ZNF618: variants seen among roughly 807,000 people sequenced by gnomAD.
ZNF618 encodes neural precursor cell expressed, developmentally down-regulated 10.
ZNF618 carries 34 observed loss-of-function variants against 103.0 expected under a neutral mutation model. The ratio of observed to expected loss-of-function variants is 0.33; its 90% CI spans 0.25 to 0.44. The LOEUF is 0.44. Among genes scored for constraint, ZNF618 ranks in the 20% least tolerant of loss-of-function variants. ZNF618 has a pLI of 1.00. For missense variants in ZNF618, 1,059 were observed against 1,295.4 expected, an observed-to-expected ratio of 0.82 and a Z score of 2.80; for synonymous variants, 551 against 542.2, an observed-to-expected ratio of 1.02 and a Z score of -0.23.
At position 114,039,356 on chromosome 9, in the gene ZNF618, T is replaced by TTC. The variant is rs1554766023; in HGVS notation, c.1246+2980_1246+2981insCT. Among the ~76,000 whole-genome samples, 821 of 144,262 alleles carry TTC rather than the reference T, an allele frequency of 5.7e-3. 2 individuals are homozygous for TTC. The highest frequency in any genetic ancestry group is 7.9e-3 in the Non-Finnish European group (519 of 65,872). The allele number at this position is 144,262 out of a possible 152,430, so 94.6% of individuals were successfully genotyped here. ...TTCTTGTTTGTTTTTTTTTTTTTTT[T>TTC]TTTCCTTTGAGACAGAGTCTCGATC... is the stretch of plus-strand genomic sequence containing the variant. On this transcript the variant is annotated intron_variant, in intron 13 of 14. Transcript: ENST00000374126.
rs16910946 is a variant in ZNF618 at position 113,953,273 on chromosome 9, A to G, written c.34-15844A>G. On this transcript the variant is annotated intron_variant, in intron 1 of 14. Transcript: ENST00000374126. ...CCTATCCTCGGGAGAGATGGTTAAA[A>G]GCAGGTCTTTGTAGAGTCACAGTCT... 7.0e-3 allele frequency among the ~76,000 whole-genome samples: 1,067 copies of G among 152,334 alleles called. 15 individuals carry two copies. Among genetic ancestry groups the G allele is most frequent in the African/African-American group, 0.024 (997 of 41,574 alleles).
intron 1 of ZNF618, among the ~76,000 whole-genome samples, chr9:113,916,072 CTGTG>C (rs34639802): frequency 0.011 from 1,596 of 149,672 alleles, 23 homozygotes; most frequent in Middle Eastern, 0.1. Context: ...GCGCGTGTGT[CTGTG>C]TGTGTGTGTG....
At chr9:113,970,239 C>T (rs1453116418) in intron 2 of ZNF618, among the ~76,000 whole-genome samples, 2 of 151,200 alleles carry the variant, frequency 1.3e-5, no homozygotes, top group Admixed American at 6.6e-5. Flanking sequence ...TTTTTTTTGA[C>T]GTTCATTGCA....
chr9:113,909,848 G>A (rs774946331), intron 1 of ZNF618, among the ~76,000 whole-genome samples: 9 of 151,476 alleles, frequency 5.9e-5, no homozygotes, highest in Non-Finnish European at 1.2e-4. Context: ...GCGGTGGCGC[G>A]GTCTCAGCTC....
At chr9:114,019,452 C>A (rs1415101865) in intron 10 of ZNF618, among the ~76,000 whole-genome samples, 1 of 152,198 alleles carries the variant, frequency 6.6e-6, no homozygotes, top group African/African-American at 2.4e-5. Flanking sequence ...TCTTTCACTC[C>A]TGCCAGCTGT....
At chr9:113,950,633 C>T (rs1316641036) in intron 1 of ZNF618, among the ~76,000 whole-genome samples, 1 of 152,184 alleles carries the variant, frequency 6.6e-6, no homozygotes, top group Non-Finnish European at 1.5e-5. Context: ...GGCCTGCACT[C>T]TGTGAATAAG....
intron 1 of ZNF618, among the ~76,000 whole-genome samples, chr9:113,913,384 T>C (rs1399772177): frequency 6.6e-6 from 1 of 152,248 alleles, no homozygotes; most frequent in African/African-American, 2.4e-5. Flanking sequence ...AACATAAAGC[T>C]ACATCCCCCT....
At chr9:113,918,168 G>C (rs1368291717) in intron 1 of ZNF618, among the ~76,000 whole-genome samples, 1 of 152,178 alleles carries the variant, frequency 6.6e-6, no homozygotes, top group Non-Finnish European at 1.5e-5. Context: ...ACATTTGTAG[G>C]ATGACGGAGG....
At chr9:113,962,189 C>T (rs953252900) in intron 1 of ZNF618, among the ~76,000 whole-genome samples, 1 of 152,162 alleles carries the variant, frequency 6.6e-6, no homozygotes, top group African/African-American at 2.4e-5. Context: ...GATGCAACTC[C>T]ATTTTTCTTG....
At chr9:113,940,015 T>C (rs1048424567) in intron 1 of ZNF618, among the ~76,000 whole-genome samples, 1 of 152,096 alleles carries the variant, frequency 6.6e-6, no homozygotes, top group Non-Finnish European at 1.5e-5. Context: ...ATTTTATTCT[T>C]CTCAGTTCAT....
In ZNF618 at chr9:114,036,286, A is replaced by G; in HGVS notation, c.1169-14A>G. The G allele has an allele frequency of 1.3e-6, 2 of 1,562,198 alleles. No individual in the cohort carries two copies. Among genetic ancestry groups the G allele is most frequent in the South Asian group, 1.2e-5 (1 of 84,580 alleles). ...GTTCCACCCCTCACGTGGCTGCCGC[A>G]TTTCTCCCTCCAGAACCCTACACCT... is the stretch of plus-strand genomic sequence containing the variant. On this transcript the variant is annotated splice_polypyrimidine_tract_variant and intron_variant, in intron 12 of 14. Transcript: ENST00000374126.
At chr9:113,939,153 G>A (rs1834320798) in intron 1 of ZNF618, among the ~76,000 whole-genome samples, 1 of 151,886 alleles carries the variant, frequency 6.6e-6, no homozygotes. Flanking sequence ...GGGCATTCTT[G>A]GTTATTCCTG....
At chr9:114,027,010 T>TC (rs1843559358) in intron 10 of ZNF618, among the ~76,000 whole-genome samples, 1 of 152,030 alleles carries the variant, frequency 6.6e-6, no homozygotes, top group Non-Finnish European at 1.5e-5. Context: ...CCAGCTGTGG[T>TC]CCCCAAACTC....
intron 1 of ZNF618, among the ~76,000 whole-genome samples, chr9:113,905,476 T>C (rs978470859): frequency 6.6e-6 from 1 of 152,230 alleles, no homozygotes; most frequent in Non-Finnish European, 1.5e-5. Flanking sequence ...ACAGATATGC[T>C]CATTTTTGTG....
At chr9:113,914,629 A>G (rs930741136) in intron 1 of ZNF618, among the ~76,000 whole-genome samples, 6 of 152,198 alleles carry the variant, frequency 3.9e-5, no homozygotes, top group African/African-American at 1.2e-4. Flanking sequence ...GAATCATTCT[A>G]TTTTTAAGCC....
At chr9:113,951,981 C>T (rs146222763) in intron 1 of ZNF618, among the ~76,000 whole-genome samples, 34 of 152,276 alleles carry the variant, frequency 2.2e-4, no homozygotes, top group African/African-American at 7.9e-4. Flanking sequence ...TTGAGGCTTT[C>T]GTGGCACTCC....
At chr9:113,958,481 T>C (rs814681) in intron 1 of ZNF618, among the ~76,000 whole-genome samples, 6,527 of 152,280 alleles carry the variant, frequency 0.043, 158 homozygotes, top group African/African-American at 0.064. Flanking sequence ...GTTGAGTTGA[T>C]GATACTAGCT....
At chr9:114,048,597 C>T (rs1016553785) in intron 14 of ZNF618, 54 bp from the exon 15 acceptor site, 87 of 1,542,194 alleles carry the variant, frequency 5.6e-5, no homozygotes, top group Non-Finnish European at 7.0e-5. Context: ...ACTGCCACTC[C>T]AAGCAGCCTT....
chr9:113,993,408 G>A (rs1840263665), intron 3 of ZNF618, among the ~76,000 whole-genome samples: 1 of 152,242 alleles, frequency 6.6e-6, no homozygotes, highest in Non-Finnish European at 1.5e-5. Flanking sequence ...AAAATTAGAA[G>A]TGGAAACCTA....
Sources: allele counts gnomAD v4.1 joint callset (sites outside exome capture counted in the v4.1 genomes callset), GRCh38; gene constraint gnomAD v4.1.1; transcripts MANE v1.5; gene names NCBI Gene and HGNC (gene_info 2026-07-23, HGNC 2026-07-21).